PRKCI: variants seen among roughly 807,000 people sequenced by gnomAD.
PRKCI encodes protein kinase C iota.
PRKCI carries 43 observed loss-of-function variants against 84.0 expected under a neutral mutation model. The observed-to-expected ratio is 0.51, with a 90% CI of 0.40 to 0.66. PRKCI has a LOEUF of 0.66. Ranked by LOEUF, PRKCI falls within the 30% of genes least tolerant of loss-of-function variation. PRKCI has a pLI of 0.00. For missense variants in PRKCI, 459 were observed against 745.6 expected, an observed-to-expected ratio of 0.62 and a Z score of 4.48; for synonymous variants, 216 against 234.4, an observed-to-expected ratio of 0.92 and a Z score of 0.72.
At chr3:170,269,759 A>G (rs1462560720) in intron 5 of PRKCI, among the ~76,000 whole-genome samples, 3 of 152,108 alleles carry the variant, frequency 2.0e-5, no homozygotes, top group Non-Finnish European at 4.4e-5. Flanking sequence ...GGAGTTTGAG[A>G]CCAGCCTGAC....
rs748277484 is a variant in PRKCI, at chr3:170,251,905, C to CA, written c.224-8052dup. ...AGCCTGGGCAACAACAAGACTGTCT[C>CA]AAAAAAAAAAAAGAAATTAGGAAAG... On this transcript the variant is annotated intron_variant, in intron 2 of 17. Coordinates refer to ENST00000295797, the MANE Select transcript of PRKCI (RefSeq NM_002740.6). Among the ~76,000 whole-genome samples, 193 of 125,548 alleles carry CA rather than the reference C, an allele frequency of 1.5e-3. 1 individual carries two copies. Among genetic ancestry groups the CA allele is most frequent in the East Asian group, 5.1e-3 (22 of 4,320 alleles). 82.4% of individuals were successfully genotyped at this position (125,548 alleles called of 152,430 possible).
At position 170,236,243 on chromosome 3, in the gene PRKCI, G is replaced by A. The variant is rs191569615; in HGVS notation, c.223+892G>A. On this transcript the variant is annotated intron_variant, in intron 2 of 17. Transcript: ENST00000295797. ...CAGCCTCCCAAGTAGCTGGGATACA[G>A]GGGTGCACCACCACACCCAGATAAT... Among the ~76,000 whole-genome samples the A allele has an allele frequency of 1.0e-3, 151 of 151,410 alleles. 1 individual carries two copies. The East Asian group carries it at 0.023, about 24-fold the overall frequency.
At chr3:170,257,381 A>C (rs1157156080) in intron 2 of PRKCI, among the ~76,000 whole-genome samples, 1 of 152,136 alleles carries the variant, frequency 6.6e-6, no homozygotes, top group Admixed American at 6.5e-5. Context: ...GTTTTGGTGG[A>C]GTGTTTGGGC....
intron 3 of PRKCI, among the ~76,000 whole-genome samples, chr3:170,262,103 A>G (rs1577356474): frequency 6.6e-6 from 1 of 152,016 alleles, no homozygotes; most frequent in African/African-American, 2.4e-5. Flanking sequence ...ATCACAGACT[A>G]AGAATAGCTG....
chr3:170,256,437 G>A (rs1400327657), intron 2 of PRKCI, among the ~76,000 whole-genome samples: 1 of 152,044 alleles, frequency 6.6e-6, no homozygotes, highest in Non-Finnish European at 1.5e-5. Context: ...ATTTCTTCTA[G>A]GCTTTCTGAT....
At chr3:170,267,846 CTT>C (rs1289089289) in intron 4 of PRKCI, 67 bp from the exon 5 acceptor site, 1 of 1,182,028 alleles carries the variant, frequency 8.5e-7, no homozygotes, top group African/African-American at 1.6e-5. Context: ...AAATTACAGA[CTT>C]AATTATAAAA....
intron 12 of PRKCI, among the ~76,000 whole-genome samples, 169 bp downstream of exon 12, chr3:170,284,765 A>C (rs1368410551): frequency 6.6e-6 from 1 of 152,176 alleles, no homozygotes; most frequent in Non-Finnish European, 1.5e-5. Context: ...CCATTTGCAA[A>C]ATTTGTATCT....
intron 8 of PRKCI, chr3:170,280,016 T>C (rs929433810): frequency 5.1e-6 from 2 of 391,180 alleles, no homozygotes; most frequent in African/African-American, 2.1e-5. Flanking sequence ...CCCATTCTTA[T>C]TACCATCCCT....
chr3:170,255,904 T>C (rs1733571877), intron 2 of PRKCI, among the ~76,000 whole-genome samples: 1 of 152,206 alleles, frequency 6.6e-6, no homozygotes, highest in African/African-American at 2.4e-5. Flanking sequence ...TTAGCATCAA[T>C]TGAAATGATA....
rs1228199510 is a variant in PRKCI at position 170,268,101 on chromosome 3, T to G, written c.450+101T>G. On this transcript the variant is annotated intron_variant, in intron 5 of 17. Coordinates refer to ENST00000295797, the MANE Select transcript of PRKCI (RefSeq NM_002740.6). ...TGTTATTAAGTCTTGTTATACACTT[T>G]TAAATACATAAGTAGCATGACCTTA... 3 of 911,140 alleles carry G rather than the reference T, an allele frequency of 3.3e-6. No homozygotes were observed. In the African/African-American group the frequency reaches 5.0e-5, roughly 15 times the overall value. The allele number at this position is 911,140 out of a possible 1,614,324, so 56.4% of individuals were successfully genotyped here. A position where few individuals can be genotyped will look rare whatever the true frequency, so the allele number is the denominator to read the frequency against.
At chr3:170,269,384 G>T (rs755151031) in intron 5 of PRKCI, among the ~76,000 whole-genome samples, 1 of 152,192 alleles carries the variant, frequency 6.6e-6, no homozygotes, top group African/African-American at 2.4e-5. Flanking sequence ...CTTTGAGGCT[G>T]GGTGCAATGG....
Position 170,288,766 on chromosome 3 carries a change from A to C in PRKCI, c.1204-3088A>C, listed in dbSNP as rs958409558. On this transcript the variant is annotated intron_variant, in intron 12 of 17. Coordinates refer to ENST00000295797, the MANE Select transcript of PRKCI (RefSeq NM_002740.6). ...AGTGAGACTCCGCCTCAAAATATAT[A>C]CATATAAAATAAAATAAAAAATAAA... Among the ~76,000 whole-genome samples, 6 of 152,322 alleles carry C rather than the reference A, an allele frequency of 3.9e-5. No individual in the cohort carries two copies. The East Asian group carries it at 1.2e-3, about 29-fold the overall frequency.
In PRKCI at chr3:170,246,627, A is replaced by G. The variant is rs980457093; in HGVS notation, c.223+11276A>G. On this transcript the variant is annotated intron_variant, in intron 2 of 17. Coordinates refer to ENST00000295797, the MANE Select transcript of PRKCI (RefSeq NM_002740.6). ...TGAGATCTGTTAATGTAGTTAGAGAACTAGTGTACCCTTTAAAAATTTTTT... is the reference window on the plus strand; with the variant it reads ...TGAGATCTGTTAATGTAGTTAGAGAGCTAGTGTACCCTTTAAAAATTTTTT... Among the ~76,000 whole-genome samples, 6 of 152,136 alleles carry G rather than the reference A, an allele frequency of 3.9e-5. No individual in the cohort carries two copies. In the East Asian group the frequency reaches 5.8e-4, roughly 15 times the overall value.
chr3:170,279,217 T>C (rs898174623), intron 8 of PRKCI, among the ~76,000 whole-genome samples: 4 of 152,042 alleles, frequency 2.6e-5, no homozygotes, highest in African/African-American at 7.2e-5. Context: ...TTGGTAGAGA[T>C]GAGGTTTCTT....
At chr3:170,258,039 A>C (rs1733632650) in intron 2 of PRKCI, among the ~76,000 whole-genome samples, 1 of 152,092 alleles carries the variant, frequency 6.6e-6, no homozygotes, top group African/African-American at 2.4e-5. Context: ...GAAAGAAAAA[A>C]ATGGAACAGA....
At chr3:170,293,621 A>G (rs1734622893) in intron 14 of PRKCI, 113 bp downstream of exon 14, 4 of 1,214,908 alleles carry the variant, frequency 3.3e-6, no homozygotes, top group Non-Finnish European at 3.4e-6. Flanking sequence ...TCTGGAAAAT[A>G]TAATCCTGAC....
At chr3:170,291,783 T>C (rs1734559421) in intron 12 of PRKCI, 71 bp from the exon 13 acceptor site, 1 of 1,197,246 alleles carries the variant, frequency 8.4e-7, no homozygotes, top group African/African-American at 1.5e-5. Context: ...ATATGATAGG[T>C]GAAATAGAAA....
At chr3:170,236,583 T>C (rs1281465872) in intron 2 of PRKCI, among the ~76,000 whole-genome samples, 4 of 152,106 alleles carry the variant, frequency 2.6e-5, no homozygotes. Flanking sequence ...AAAACATTTA[T>C]CATATATGTA....
chr3:170,241,257 A>G (rs961148695), intron 2 of PRKCI, among the ~76,000 whole-genome samples: 2 of 152,200 alleles, frequency 1.3e-5, no homozygotes, highest in African/African-American at 4.8e-5. Context: ...AATTGTAGTC[A>G]CCATGCTATG....
Sources: gnomAD v4.1 joint callset for allele counts (sites outside exome capture counted in the v4.1 genomes callset) on GRCh38, gnomAD v4.1.1 for gene constraint, MANE v1.5 for transcripts, NCBI Gene and HGNC (gene_info 2026-07-23, HGNC 2026-07-21) for gene names.